Variants in PTDSS1 observed in about 807,000 individuals in gnomAD.
The protein encoded by PTDSS1 is PSS-1.
Under a neutral mutation model 70.5 loss-of-function variants are expected in PTDSS1, and 45 were observed. The ratio of observed to expected loss-of-function variants is 0.64; its 90% CI spans 0.50 to 0.82. The LOEUF (loss-of-function observed/expected upper bound fraction) is 0.82. Among genes scored for constraint, PTDSS1 ranks in the 40% least tolerant of loss-of-function variants. The pLI is 0.00. For missense variants in PTDSS1, 417 were observed against 586.1 expected (o/e 0.71, Z 2.98); for synonymous variants, 188 against 203.8 (o/e 0.92, Z 0.66).
intron 7 of PTDSS1, 152 bp downstream of exon 7, chr8:96,304,333 C>A: frequency 3.1e-6 from 3 of 956,214 alleles, no homozygotes; most frequent in Non-Finnish European, 4.5e-6. Context: ...AATAATTAAG[C>A]AAAGTGATGT....
chr8:96,305,214 C>T lies in PTDSS1; in HGVS notation c.894+1033C>T, dbSNP rs115213837. 8.3e-3 allele frequency among the ~76,000 whole-genome samples: 1,271 copies of T among 152,310 alleles called. 17 individuals carry two copies. The highest frequency in any genetic ancestry group is 0.029 in the African/African-American group (1,195 of 41,562). ...GTATAGTGCCGTTAGGATGGAACCA[C>T]CTGGTGGTATGCGATGGAGCACACT... On this transcript the variant is annotated intron_variant, in intron 7 of 12. Coordinates refer to ENST00000517309, the MANE Select transcript of PTDSS1 (RefSeq NM_014754.3).
Position 96,304,030 on chromosome 8 carries a change from CTT to C in PTDSS1, c.753-9_753-8del, listed in dbSNP as rs1350116533. 1 of 1,600,922 alleles carries C rather than the reference CTT, an allele frequency of 6.2e-7. No homozygotes were observed. The highest frequency in any genetic ancestry group is 2.2e-5 in the East Asian group (1 of 44,716). On this transcript the variant is annotated splice_polypyrimidine_tract_variant and splice_region_variant and intron_variant, in intron 6 of 12. Coordinates refer to ENST00000517309, the MANE Select transcript of PTDSS1 (RefSeq NM_014754.3). ...TCTGGATTTTCACTGGAGCCATTCTCTTCTTACAGGGACATTCATACCACCAC... is the reference window on the plus strand; with the variant it reads ...TCTGGATTTTCACTGGAGCCATTCTCCTTACAGGGACATTCATACCACCAC...
intron 1 of PTDSS1, among the ~76,000 whole-genome samples, chr8:96,270,127 T>C (rs373766117): frequency 2.0e-4 from 31 of 152,218 alleles, no homozygotes; most frequent in African/African-American, 7.5e-4. Flanking sequence ...CACTGCACTG[T>C]ATGGTCTCCT....
chr8:96,282,525 G>A (rs373264840), intron 2 of PTDSS1, among the ~76,000 whole-genome samples: 24 of 152,192 alleles, frequency 1.6e-4, no homozygotes, highest in African/African-American at 5.8e-4. Flanking sequence ...CATCCAAAAC[G>A]CAGGAACCAA....
At chr8:96,274,650 G>T (rs1205315159) in intron 2 of PTDSS1, among the ~76,000 whole-genome samples, 1 of 152,164 alleles carries the variant, frequency 6.6e-6, no homozygotes, top group African/African-American at 2.4e-5. Context: ...GTTTGAACCC[G>T]GGAGGCGGAG....
At position 96,333,526 on chromosome 8, in the gene PTDSS1, A is replaced by G; in HGVS notation, c.1382A>G (p.His461Arg). ...ESHSSRRRNR[H>R]SKSKVTNGVG... ...CATTCTTCCAGGAGAAGGAATCGGCATTCCAAGTCAAAAGTCACCAATGGC... is the reference window on the plus strand; with the variant it reads ...CATTCTTCCAGGAGAAGGAATCGGCGTTCCAAGTCAAAAGTCACCAATGGC... The change falls in exon 13 of 13, where the codon CAT (histidine) becomes CGT (arginine). Residue 461 changes from histidine to arginine, a missense_variant. Around this residue, in one of 3 missense-constraint regions of PTDSS1, gnomAD observed 107 missense variants for 122.3 expected, o/e 0.88. Coordinates refer to ENST00000517309, the MANE Select transcript of PTDSS1 (RefSeq NM_014754.3). The G allele has an allele frequency of 6.2e-7, 1 of 1,613,974 alleles. No individual in the cohort carries two copies. The highest frequency in any genetic ancestry group is 8.5e-7 in the Non-Finnish European group (1 of 1,179,848).
rs756427005 is a variant in PTDSS1 at position 96,331,012 on chromosome 8, G to A, written c.1243-14G>A. ...TTCCTAAAATTCCTGCACTAAGCCT[G>A]TCTCTCTCCCTAGACCTACTCGGAG... On this transcript the variant is annotated splice_polypyrimidine_tract_variant and intron_variant, in intron 11 of 12. Coordinates refer to ENST00000517309, the MANE Select transcript of PTDSS1 (RefSeq NM_014754.3). 40 of 1,608,910 alleles carry A rather than the reference G, an allele frequency of 2.5e-5. No homozygotes were observed. Among genetic ancestry groups the A allele is most frequent in the South Asian group, 5.5e-5 (5 of 90,930 alleles).
rs114194246 is a variant in PTDSS1, at chr8:96,296,628, C to T, written c.600+1372C>T. 4.4e-3 allele frequency among the ~76,000 whole-genome samples: 670 copies of T among 152,260 alleles called. 4 individuals are homozygous for T. The highest frequency in any genetic ancestry group is 0.014 in the African/African-American group (587 of 41,542). ...CTTCAACATAGGAGTTTTGAGAGGA[C>T]ACAATTCAACCGATCCATAATAGTG... is the stretch of plus-strand genomic sequence containing the variant. On this transcript the variant is annotated intron_variant, in intron 5 of 12. Transcript: ENST00000517309.
Position 96,299,724 on chromosome 8 carries a change from G to A in PTDSS1, c.631G>A (p.Ala211Thr). 1 of 1,612,006 alleles carries A rather than the reference G, an allele frequency of 6.2e-7. No individual in the cohort carries two copies. Among genetic ancestry groups the A allele is most frequent in the Non-Finnish European group, 8.5e-7 (1 of 1,179,396 alleles). The change falls in exon 6 of 13, where the codon GCC becomes ACC. Residue 211 changes from alanine to threonine, a missense_variant. Transcript: ENST00000517309. ...CTTCATGCATCTCCTCCCCAATTTT[G>A]CCGAGTGCTGGTGGGATCAAGTCAT... Reference protein sequence around the residue: ...LFFMHLLPNFAECWWDQVILD... With the variant: ...LFFMHLLPNFTECWWDQVILD...
intron 6 of PTDSS1, among the ~76,000 whole-genome samples, chr8:96,301,358 G>T (rs1282681427): frequency 6.6e-6 from 1 of 152,166 alleles, no homozygotes; most frequent in African/African-American, 2.4e-5. Flanking sequence ...GCATCTCAAA[G>T]TGTTGGGATT....
chr8:96,272,358 A>G (rs1001234065), intron 1 of PTDSS1, among the ~76,000 whole-genome samples: 7 of 152,218 alleles, frequency 4.6e-5, no homozygotes, highest in Admixed American at 3.9e-4. Flanking sequence ...TATTTATTAT[A>G]AAGTATGAGT....
chr8:96,290,444 C>T (rs1810886123), intron 4 of PTDSS1, among the ~76,000 whole-genome samples: 1 of 152,160 alleles, frequency 6.6e-6, no homozygotes, highest in Non-Finnish European at 1.5e-5. Context: ...AATTTGACAT[C>T]ACAGGGACAT....
chr8:96,291,012 G>A (rs1345815148), intron 4 of PTDSS1, among the ~76,000 whole-genome samples: 5 of 151,108 alleles, frequency 3.3e-5, no homozygotes, highest in Admixed American at 3.3e-4. Flanking sequence ...TAATTGAAAA[G>A]TTGCTGCATT....
chr8:96,309,469 G>GT, intron 8 of PTDSS1, 88 bp from the exon 9 acceptor site: 1 of 1,272,018 alleles, frequency 7.9e-7, no homozygotes, highest in African/African-American at 1.5e-5. Flanking sequence ...AAGGAGGGAC[G>GT]TTTTTTACTT....
chr8:96,317,641 A>C (rs935088053), intron 9 of PTDSS1, among the ~76,000 whole-genome samples: 2 of 152,042 alleles, frequency 1.3e-5, no homozygotes, highest in African/African-American at 4.8e-5. Context: ...AGGCTGAGGT[A>C]GAAGAATTGC....
chr8:96,285,977 A>G (rs1810816737), intron 3 of PTDSS1, among the ~76,000 whole-genome samples: 1 of 152,088 alleles, frequency 6.6e-6, no homozygotes. Flanking sequence ...CCTGGGCCCT[A>G]GGATGCACAA....
chr8:96,279,496 T>G (rs1554582772), intron 2 of PTDSS1, among the ~76,000 whole-genome samples: 2 of 151,440 alleles, frequency 1.3e-5, no homozygotes, highest in Non-Finnish European at 2.9e-5. Flanking sequence ...CCATCCTGTG[T>G]CCCCTCCTTC....
At chr8:96,314,022 A>G (rs563240802) in intron 9 of PTDSS1, among the ~76,000 whole-genome samples, 2 of 152,090 alleles carry the variant, frequency 1.3e-5, no homozygotes, top group South Asian at 4.1e-4. Flanking sequence ...TTCCAGGCCC[A>G]TAGTTCAGGC....
chr8:96,294,396 C>A (rs933971478), intron 4 of PTDSS1, among the ~76,000 whole-genome samples: 1 of 152,038 alleles, frequency 6.6e-6, no homozygotes, highest in Admixed American at 6.6e-5. Flanking sequence ...ATCATATTGT[C>A]ATGCAGTCAT....
Sources: gnomAD v4.1 joint callset for allele counts (sites outside exome capture counted in the v4.1 genomes callset) on GRCh38, gnomAD v4.1.1 for gene constraint, gnomAD v4.1.1 regional missense constraint, MANE v1.5 for transcripts, NCBI Gene and HGNC (gene_info 2026-07-23, HGNC 2026-07-21) for gene names.